GRIN2B: variants seen among roughly 807,000 people sequenced by gnomAD.
The protein encoded by GRIN2B is glutamate ionotropic receptor NMDA type subunit 2B.
A neutral mutation model predicts 114.5 loss-of-function variants in GRIN2B; 5 were observed. That is an observed-to-expected ratio of 0.04 (90% CI 0.02 to 0.09). GRIN2B has a LOEUF of 0.09. Ranked by LOEUF, GRIN2B falls within the 10% of genes least tolerant of loss-of-function variation. The probability of loss-of-function intolerance (pLI) is 1.00; values close to 1 mark genes in which losing one functional copy is unlikely to be tolerated. For missense variants in GRIN2B, 1,108 were observed against 1,943.5 expected, an observed-to-expected ratio of 0.57 and a Z score of 8.08; for synonymous variants, 787 against 745.1, an observed-to-expected ratio of 1.06 and a Z score of -0.92.
rs577599922 is a variant in GRIN2B at position 13,812,923 on chromosome 12, T to G, written c.411+52875A>C. Among the ~76,000 whole-genome samples, 34 of 147,626 alleles carry G rather than the reference T, an allele frequency of 2.3e-4. 1 individual carries two copies. The East Asian group carries it at 5.3e-3, about 23-fold the overall frequency. ...GCAACAAGGTAAGTAATTGGGAAGT[T>G]TTGGGAATTTTTTTTTTTTTTTTTT... is the stretch of plus-strand genomic sequence containing the variant. On this transcript the variant is annotated intron_variant, in intron 3 of 13. Coordinates refer to ENST00000609686, the MANE Select transcript of GRIN2B (RefSeq NM_000834.5).
intron 3 of GRIN2B, among the ~76,000 whole-genome samples, chr12:13,809,546 C>A (rs1356279872): frequency 6.6e-6 from 1 of 152,080 alleles, no homozygotes; most frequent in African/African-American, 2.4e-5. Context: ...TCCTAAAATG[C>A]TAATCTAAGA....
intron 5 of GRIN2B, among the ~76,000 whole-genome samples, chr12:13,622,354 C>T (rs975317841): frequency 1.3e-5 from 2 of 152,080 alleles, no homozygotes; most frequent in Non-Finnish European, 2.9e-5. Context: ...TGCAAGGCAG[C>T]CTAAATTCTG....
chr12:13,873,872 C>T (rs1029767724), intron 2 of GRIN2B, among the ~76,000 whole-genome samples: 9 of 152,164 alleles, frequency 5.9e-5, no homozygotes, highest in Non-Finnish European at 1.2e-4. Context: ...CAACATATTA[C>T]AGCCACATAA....
rs1054170780 is a variant in GRIN2B, at chr12:13,560,673, A to G, written c.*2110T>C. 29 of 152,046 alleles carry G rather than the reference A, an allele frequency of 1.9e-4. No individual in the cohort carries two copies. The highest frequency in any genetic ancestry group is 7.0e-4 in the African/African-American group (29 of 41,382). 9.4% of individuals were successfully genotyped at this position (152,046 alleles called of 1,614,324 possible). Reference sequence around the variant, plus strand: ...TCTTTTCTGTTATCTAAGGTAAAGCACTCCGTGCTCCTCTCACCAAATCTG... The same window carrying G: ...TCTTTTCTGTTATCTAAGGTAAAGCGCTCCGTGCTCCTCTCACCAAATCTG... On this transcript the variant is annotated 3_prime_UTR_variant, in exon 14 of 14. Coordinates refer to ENST00000609686, the MANE Select transcript of GRIN2B (RefSeq NM_000834.5).
At chr12:13,821,428 C>T (rs1431225009) in intron 3 of GRIN2B, among the ~76,000 whole-genome samples, 2 of 152,160 alleles carry the variant, frequency 1.3e-5, no homozygotes, top group African/African-American at 2.4e-5. Context: ...GAGGCAGTTG[C>T]TAAAATGCAA....
At chr12:13,933,798 T>G (rs1256491488) in intron 2 of GRIN2B, among the ~76,000 whole-genome samples, 1 of 151,864 alleles carries the variant, frequency 6.6e-6, no homozygotes, top group Non-Finnish European at 1.5e-5. Context: ...GTGGAGCTAC[T>G]TGCTGTGGTA....
chr12:13,699,588 A>C (rs967932851), intron 4 of GRIN2B, among the ~76,000 whole-genome samples: 1 of 152,014 alleles, frequency 6.6e-6, no homozygotes, highest in Non-Finnish European at 1.5e-5. Flanking sequence ...AAAGGAAAAA[A>C]AATAATTTTT....
chr12:13,641,901 C>T (rs1949720231), intron 5 of GRIN2B, among the ~76,000 whole-genome samples: 1 of 151,954 alleles, frequency 6.6e-6, no homozygotes, highest in Non-Finnish European at 1.5e-5. Flanking sequence ...AAAATGTAAC[C>T]TTAAGGTCAG....
chr12:13,806,684 T>C (rs1046980043), intron 3 of GRIN2B, among the ~76,000 whole-genome samples: 6 of 152,148 alleles, frequency 3.9e-5, no homozygotes, highest in African/African-American at 9.7e-5. Context: ...CTTCACTCTG[T>C]TGCTTGTTTC....
At chr12:13,673,791 TC>T (rs1368817594) in intron 5 of GRIN2B, among the ~76,000 whole-genome samples, 1 of 151,884 alleles carries the variant, frequency 6.6e-6, no homozygotes, top group African/African-American at 2.4e-5. Flanking sequence ...AGATGCCTCC[TC>T]CTGCTTGAGA....
chr12:13,841,190 A>G (rs143145377), intron 3 of GRIN2B, among the ~76,000 whole-genome samples: 27 of 152,270 alleles, frequency 1.8e-4, no homozygotes, highest in African/African-American at 5.8e-4. Flanking sequence ...TGCAATTCTC[A>G]TTGTATGGCT....
intron 3 of GRIN2B, among the ~76,000 whole-genome samples, chr12:13,824,729 G>A (rs1385332637): frequency 6.6e-6 from 1 of 151,936 alleles, no homozygotes; most frequent in Non-Finnish European, 1.5e-5. Context: ...GGTGGCACAT[G>A]CTTGTAATCT....
chr12:13,813,233 C>G (rs142757876), intron 3 of GRIN2B, among the ~76,000 whole-genome samples: 2,562 of 151,990 alleles, frequency 0.017, 38 homozygotes, highest in African/African-American at 0.038. Context: ...CCGTGCCCGG[C>G]CTGGGAAATT....
chr12:13,629,667 C>G (rs1949601012), intron 5 of GRIN2B, among the ~76,000 whole-genome samples: 1 of 151,942 alleles, frequency 6.6e-6, no homozygotes, highest in Admixed American at 6.6e-5. Context: ...TCTTTCTTTA[C>G]TTTTCTCTCC....
intron 5 of GRIN2B, among the ~76,000 whole-genome samples, chr12:13,642,963 T>G (rs908058145): frequency 6.6e-6 from 1 of 152,108 alleles, no homozygotes; most frequent in Admixed American, 6.5e-5. Context: ...TCAAACTCAG[T>G]ATATGCCACA....
chr12:13,598,762 G>C (rs1949109516), intron 10 of GRIN2B, among the ~76,000 whole-genome samples: 1 of 152,140 alleles, frequency 6.6e-6, no homozygotes, highest in Non-Finnish European at 1.5e-5. Flanking sequence ...TGGTTGGAGA[G>C]AGTCCTACTT....
intron 3 of GRIN2B, among the ~76,000 whole-genome samples, chr12:13,790,386 A>G (rs1304085228): frequency 6.6e-6 from 1 of 152,158 alleles, no homozygotes; most frequent in African/African-American, 2.4e-5. Flanking sequence ...CACCTCTCTT[A>G]TTATCTTTAC....
At chr12:13,572,901 A>G (rs532736638) in intron 10 of GRIN2B, among the ~76,000 whole-genome samples, 3 of 152,322 alleles carry the variant, frequency 2.0e-5, no homozygotes, top group Non-Finnish European at 4.4e-5. Context: ...AGAACCTGTT[A>G]TTCTTTGTTT....
chr12:13,733,544 A>C (rs1299692645), intron 4 of GRIN2B, among the ~76,000 whole-genome samples: 1 of 152,218 alleles, frequency 6.6e-6, no homozygotes, highest in East Asian at 1.9e-4. Context: ...CAAGTGAATC[A>C]AAAGCTTGGC....
Sources: allele counts gnomAD v4.1 joint callset (sites outside exome capture counted in the v4.1 genomes callset), GRCh38; gene constraint gnomAD v4.1.1; transcripts MANE v1.5; gene names NCBI Gene and HGNC (gene_info 2026-07-23, HGNC 2026-07-21).